IKZF1: variants seen among roughly 807,000 people sequenced by gnomAD.
IKZF1 encodes the protein DNA-binding protein Ikaros.
Under a neutral mutation model 51.7 loss-of-function variants are expected in IKZF1, and 10 were observed. The observed-to-expected ratio is 0.19, with a 90% CI of 0.12 to 0.33. The LOEUF (loss-of-function observed/expected upper bound fraction) is 0.33, where lower values mean the gene tolerates loss of function less well. Ranked by LOEUF, IKZF1 falls within the 10% of genes least tolerant of loss-of-function variation. IKZF1 has a pLI of 1.00. For synonymous variants in IKZF1, 280 were observed against 282.3 expected (o/e 0.99, Z 0.08); for missense variants, 484 against 707.5 (o/e 0.68, Z 3.58).
In IKZF1 at chr7:50,376,452, T is replaced by C. The variant is rs2153467772; in HGVS notation, c.161-81T>C. The stretch of plus-strand genomic sequence containing the variant: ...TTAGTAGCTCTCCACACCTATTTGA[T>C]TGTCTTTTTGCTGCTGTGTTGTTTT... On this transcript the variant is annotated intron_variant, in intron 3 of 7. Transcript: ENST00000331340. The surrounding 1 kb of genome is among the most constrained non-coding windows in gnomAD (Gnocchi z 4.5). The C allele has an allele frequency of 8.3e-6, 13 of 1,567,126 alleles. No individual in the cohort carries two copies. The highest frequency in any genetic ancestry group is 1.1e-5 in the Non-Finnish European group (13 of 1,159,390).
chr7:50,305,583 G>C (rs1288545378), intron 1 of IKZF1, among the ~76,000 whole-genome samples: 1 of 152,062 alleles, frequency 6.6e-6, no homozygotes, highest in Non-Finnish European at 1.5e-5. Flanking sequence ...GATTCCATAG[G>C]GTCTGACCAG....
rs74439904 is a variant in IKZF1 at position 50,318,927 on chromosome 7, T to C, written c.-14-121T>C. 1.7e-3 allele frequency: 1,046 copies of C among 612,012 alleles called. 13 individuals carry two copies. In the African/African-American group the frequency reaches 0.018, roughly 10 times the overall value. 37.9% of individuals were successfully genotyped at this position (612,012 alleles called of 1,614,324 possible). A position where few individuals can be genotyped will look rare whatever the true frequency, so the allele number is the denominator to read the frequency against. On this transcript the variant is annotated intron_variant, in intron 1 of 7. Transcript: ENST00000331340. ...TCCAGCAAGTATGTGAGGAGGAAAA[T>C]GCATTATTCTTGCTAGATAACCTTG...
At chr7:50,342,930 A>T (rs1296939961) in intron 3 of IKZF1, among the ~76,000 whole-genome samples, 1 of 152,180 alleles carries the variant, frequency 6.6e-6, no homozygotes, top group Non-Finnish European at 1.5e-5. Flanking sequence ...CAGATTCGTC[A>T]TGGAAGCTTT....
At chr7:50,319,644 T>C (rs1378784087) in intron 2 of IKZF1, among the ~76,000 whole-genome samples, 2 of 152,182 alleles carry the variant, frequency 1.3e-5, no homozygotes, top group African/African-American at 4.8e-5. Flanking sequence ...TTGGCAGCAC[T>C]GAGGGTGGAC....
intron 5 of IKZF1, 72 bp downstream of exon 5, chr7:50,382,779 C>T (rs73348147): frequency 2.9e-5 from 44 of 1,498,866 alleles, no homozygotes; most frequent in Non-Finnish European, 3.6e-5. Flanking sequence ...GCCTGGGTCC[C>T]GGATTGTGTC....
At chr7:50,322,589 T>A (rs1793693188) in intron 2 of IKZF1, among the ~76,000 whole-genome samples, 1 of 152,256 alleles carries the variant, frequency 6.6e-6, no homozygotes, top group Non-Finnish European at 1.5e-5. Context: ...CAAGCTACCC[T>A]TTCCTTTAGG....
intron 5 of IKZF1, among the ~76,000 whole-genome samples, chr7:50,387,038 A>G (rs6962370): frequency 0.17 from 25,447 of 152,202 alleles, 2,384 homozygotes; most frequent in South Asian, 0.25. Flanking sequence ...GTTATAACAC[A>G]GCAGTGGCTC....
At chr7:50,368,398 T>C (rs889701218) in intron 3 of IKZF1, 1 of 648,202 alleles carries the variant, frequency 1.5e-6, no homozygotes, top group Non-Finnish European at 2.8e-6. Context: ...GAGGATAAAA[T>C]GGCCATATTT....
intron 4 of IKZF1, chr7:50,377,152 C>G (rs1373720356): frequency 9.5e-6 from 2 of 209,642 alleles, no homozygotes; most frequent in South Asian, 1.2e-4. Context: ...ACAAAAAATC[C>G]TGATACACCA....
At chr7:50,332,590 A>G (rs1401992381) in intron 3 of IKZF1, among the ~76,000 whole-genome samples, 1 of 152,152 alleles carries the variant, frequency 6.6e-6, no homozygotes, top group Non-Finnish European at 1.5e-5. Flanking sequence ...TTAGAGTAGA[A>G]TTGAAGAAAA....
intron 3 of IKZF1, among the ~76,000 whole-genome samples, chr7:50,344,331 C>T (rs1398655393): frequency 6.6e-6 from 1 of 152,204 alleles, no homozygotes; most frequent in Non-Finnish European, 1.5e-5. Context: ...ATGACCCAGG[C>T]CACATCCGCT....
chr7:50,366,960 A>G (rs1239046675), intron 3 of IKZF1, among the ~76,000 whole-genome samples: 1 of 152,194 alleles, frequency 6.6e-6, no homozygotes, highest in African/African-American at 2.4e-5. Context: ...GATTTGGACT[A>G]CCAGGGAATA....
At chr7:50,369,197 A>G (rs140867940) in intron 3 of IKZF1, 2 of 277,434 alleles carry the variant, frequency 7.2e-6, no homozygotes, top group East Asian at 1.1e-4. Context: ...ACATTATGGT[A>G]TTGGACAGAG....
At chr7:50,306,882 A>C (rs1264337826) in intron 1 of IKZF1, among the ~76,000 whole-genome samples, 1 of 152,220 alleles carries the variant, frequency 6.6e-6, no homozygotes, top group Non-Finnish European at 1.5e-5. Context: ...AAATTTTGAA[A>C]TAGGAAAGAA....
chr7:50,388,905 A>G (rs10236879), intron 6 of IKZF1, among the ~76,000 whole-genome samples: 14,660 of 152,310 alleles, frequency 0.096, 804 homozygotes, highest in Middle Eastern at 0.14. Context: ...TACTCAACAA[A>G]TATTCACTGA....
intron 3 of IKZF1, among the ~76,000 whole-genome samples, chr7:50,373,835 A>T (rs1005717456): frequency 6.6e-6 from 1 of 152,112 alleles, no homozygotes; most frequent in African/African-American, 2.4e-5. Flanking sequence ...GTCATTAAGC[A>T]CCATTGCCTC....
intron 5 of IKZF1, among the ~76,000 whole-genome samples, chr7:50,385,746 G>T (rs968113011): frequency 1.3e-5 from 2 of 152,200 alleles, no homozygotes; most frequent in African/African-American, 4.8e-5. Context: ...TCAGGAAAGG[G>T]TATCGAGTGG....
intron 3 of IKZF1, among the ~76,000 whole-genome samples, chr7:50,330,381 C>CA (rs1796189125): frequency 6.6e-6 from 1 of 152,164 alleles, no homozygotes; most frequent in Non-Finnish European, 1.5e-5. Context: ...GAATGCTCCT[C>CA]AGTGGGGCTA....
rs770050009 is a variant in IKZF1 at position 50,400,598 on chromosome 7, C to A, written c.1531C>A (p.Arg511=). 5 of 1,611,936 alleles carry A rather than the reference C, an allele frequency of 3.1e-6. No individual in the cohort carries two copies. The Admixed American group carries it at 8.3e-5, about 27-fold the overall frequency. Residue 511 remains arginine (R), a synonymous_variant, in exon 8 of 8, where the codon CGA becomes AGA. Coordinates refer to ENST00000331340, the MANE Select transcript of IKZF1 (RefSeq NM_006060.6). This position sits in a 1 kb window ranked among gnomAD's most constrained non-coding sequence, Gnocchi z 5.4. ...GTACGAGTTCTCGTCGCACATAACGCGAGGGGAGCACCGCTTCCACATGAG... is the reference window on the plus strand; with the variant it reads ...GTACGAGTTCTCGTCGCACATAACGAGAGGGGAGCACCGCTTCCACATGAG... ...DRYEFSSHIT[R]GEHRFHMS is the part of the protein sequence containing the mutation.
Sources: allele counts gnomAD v4.1 joint callset (sites outside exome capture counted in the v4.1 genomes callset), GRCh38; gene constraint gnomAD v4.1.1; non-coding constraint Gnocchi (gnomAD v3.1); transcripts MANE v1.5; gene names NCBI Gene and HGNC (gene_info 2026-07-23, HGNC 2026-07-21).